AGPAT3: variants seen among roughly 807,000 people sequenced by gnomAD.
AGPAT3 encodes 1-acyl-sn-glycerol-3-phosphate acyltransferase gamma.
AGPAT3 carries 5 observed loss-of-function variants against 47.3 expected under a neutral mutation model. That is an observed-to-expected ratio of 0.11 (90% confidence interval 0.06 to 0.22). AGPAT3 has a LOEUF of 0.22. Ranked by LOEUF, AGPAT3 falls within the 10% of genes least tolerant of loss-of-function variation. The pLI is 1.00. For missense variants in AGPAT3, 315 were observed against 493.0 expected, an observed-to-expected ratio of 0.64 and a Z score of 3.42; for synonymous variants, 212 against 208.3, an observed-to-expected ratio of 1.02 and a Z score of -0.15.
At chr21:43,947,219 A>G (rs770557617) in intron 2 of AGPAT3, among the ~76,000 whole-genome samples, 2 of 152,232 alleles carry the variant, frequency 1.3e-5, no homozygotes, top group Non-Finnish European at 2.9e-5. Flanking sequence ...ATGCAGTGGC[A>G]GACACAACTT....
intron 4 of AGPAT3, 111 bp from the exon 5 acceptor site, chr21:43,969,007 T>A (rs956864926): frequency 1.7e-6 from 2 of 1,184,370 alleles, no homozygotes; most frequent in Non-Finnish European, 2.4e-6. Context: ...CACAAAGCCG[T>A]GACTCCTAGA....
At chr21:43,871,182 AC>A (rs1163843316) in intron 1 of AGPAT3, among the ~76,000 whole-genome samples, 1 of 152,234 alleles carries the variant, frequency 6.6e-6, no homozygotes, top group African/African-American at 2.4e-5. Context: ...TTAAATGAGG[AC>A]AAAACACGCA....
At chr21:43,943,616 C>T (rs1487241582) in intron 2 of AGPAT3, among the ~76,000 whole-genome samples, 8 of 152,292 alleles carry the variant, frequency 5.3e-5, no homozygotes, top group Admixed American at 2.6e-4. Context: ...CGCCAGGCCA[C>T]GCTGAGAGTC....
intron 1 of AGPAT3, among the ~76,000 whole-genome samples, chr21:43,891,351 G>A (rs1159980782): frequency 1.3e-5 from 2 of 152,078 alleles, no homozygotes; most frequent in African/African-American, 2.4e-5. Flanking sequence ...AAGCAACTCC[G>A]GGCCGGGTGC....
chr21:43,885,470 C>T (rs2085955449), intron 1 of AGPAT3, among the ~76,000 whole-genome samples: 1 of 150,888 alleles, frequency 6.6e-6, no homozygotes, highest in Non-Finnish European at 1.5e-5. Flanking sequence ...CTCACTGCAA[C>T]CTCCACCTCC....
chr21:43,980,263 G>A (rs1479533419), intron 8 of AGPAT3, among the ~76,000 whole-genome samples: 6 of 139,278 alleles, frequency 4.3e-5, no homozygotes, highest in Middle Eastern at 3.9e-3. Context: ...GCGACAGAGT[G>A]AGACTCCATC....
chr21:43,939,045 C>T lies in AGPAT3; in HGVS notation c.-48-20589C>T, dbSNP rs1301655602. On this transcript the variant is annotated intron_variant, in intron 2 of 9. Transcript: ENST00000291572. The surrounding 1 kb of genome is among the most constrained non-coding windows in gnomAD (Gnocchi z 4.4). ...TCAGTCCACAGTTTCCCACAGAGCA[C>T]GCAGGGGCCGCACCAGGGCTGGGAC... is the stretch of plus-strand genomic sequence containing the variant. 2.0e-5 allele frequency among the ~76,000 whole-genome samples: 3 copies of T among 152,192 alleles called. No individual in the cohort carries two copies. The highest frequency in any genetic ancestry group is 4.8e-5 in the African/African-American group (2 of 41,438).
At chr21:43,941,045 G>A (rs1054414741) in intron 2 of AGPAT3, among the ~76,000 whole-genome samples, 5 of 152,222 alleles carry the variant, frequency 3.3e-5, no homozygotes, top group African/African-American at 4.8e-5. Context: ...CACAAGATGC[G>A]TGCCAGCCTC....
At chr21:43,886,531 C>T (rs1048506779) in intron 1 of AGPAT3, among the ~76,000 whole-genome samples, 17 of 152,198 alleles carry the variant, frequency 1.1e-4, no homozygotes, top group African/African-American at 3.9e-4. Context: ...GGATTACAAG[C>T]ATGAGCCATC....
chr21:43,931,509 C>T (rs546058752), intron 2 of AGPAT3, among the ~76,000 whole-genome samples: 2 of 152,244 alleles, frequency 1.3e-5, no homozygotes, highest in East Asian at 1.9e-4. Context: ...ATTCCTATGA[C>T]ATTTGTTTGG....
At chr21:43,942,267 C>T (rs1054479537) in intron 2 of AGPAT3, among the ~76,000 whole-genome samples, 7 of 152,130 alleles carry the variant, frequency 4.6e-5, no homozygotes, top group Non-Finnish European at 5.9e-5. Context: ...TTGAGCGTCA[C>T]GGTGGGTGCT....
intron 2 of AGPAT3, among the ~76,000 whole-genome samples, chr21:43,913,076 G>A (rs2146109327): frequency 6.6e-6 from 1 of 152,312 alleles, no homozygotes; most frequent in Non-Finnish European, 1.5e-5. Context: ...GAATTTTGTT[G>A]TGCTGCCTGT....
rs1402300898 is a variant in AGPAT3, at chr21:43,952,625, G to A, written c.-48-7009G>A. The stretch of plus-strand genomic sequence containing the variant: ...TCACGCCCCAGGACCAAGATGTGCT[G>A]GCGCCAGGCTTCCGGGCAACCTAAA... On this transcript the variant is annotated intron_variant, in intron 2 of 9. Transcript: ENST00000291572. The surrounding 1 kb of genome is among the most constrained non-coding windows in gnomAD (Gnocchi z 5.6). 6.6e-6 allele frequency among the ~76,000 whole-genome samples: 1 copy of A among 152,210 alleles called. No individual in the cohort carries two copies. Among genetic ancestry groups the A allele is most frequent in the Non-Finnish European group, 1.5e-5 (1 of 68,036 alleles).
intron 2 of AGPAT3, 75 bp from the exon 3 acceptor site, chr21:43,959,559 T>G: frequency 6.6e-6 from 9 of 1,364,306 alleles, no homozygotes; most frequent in South Asian, 1.2e-5. Flanking sequence ...GGGTGTGCAG[T>G]GAGCAGTGCC....
chr21:43,912,503 G>A (rs2086650145), intron 2 of AGPAT3, among the ~76,000 whole-genome samples: 1 of 152,252 alleles, frequency 6.6e-6, no homozygotes, highest in Non-Finnish European at 1.5e-5. Context: ...ATGAAAGCTT[G>A]CTTTGTTCTT....
At chr21:43,926,020 G>A (rs950495705) in intron 2 of AGPAT3, among the ~76,000 whole-genome samples, 1 of 152,266 alleles carries the variant, frequency 6.6e-6, no homozygotes, top group Admixed American at 6.5e-5. Context: ...TTCAGTGTCC[G>A]ATGGAGAAGT....
intron 2 of AGPAT3, among the ~76,000 whole-genome samples, chr21:43,950,118 G>A (rs950750830): frequency 2.6e-5 from 4 of 152,232 alleles, no homozygotes; most frequent in Non-Finnish European, 1.5e-5. Context: ...CAGTGACCTA[G>A]AGCCATTAAG....
At chr21:43,973,606 T>C (rs956150243) in intron 7 of AGPAT3, among the ~76,000 whole-genome samples, 65 of 152,378 alleles carry the variant, frequency 4.3e-4, no homozygotes, top group African/African-American at 1.5e-3. Flanking sequence ...TGCCGCTGCC[T>C]TTATTTTGCC....
chr21:43,963,729 A>G (rs1352768084), intron 3 of AGPAT3, among the ~76,000 whole-genome samples: 1 of 150,694 alleles, frequency 6.6e-6, no homozygotes, highest in Non-Finnish European at 1.5e-5. Context: ...AAAAAAAAAA[A>G]AGATAAGGAA....
Sources: allele counts gnomAD v4.1 joint callset (sites outside exome capture counted in the v4.1 genomes callset), GRCh38; gene constraint gnomAD v4.1.1; non-coding constraint Gnocchi (gnomAD v3.1); transcripts MANE v1.5; gene names NCBI Gene and HGNC (gene_info 2026-07-23, HGNC 2026-07-21).